Variants in PPM1L observed in about 807,000 individuals in gnomAD.
PPM1L encodes the protein protein phosphatase 1L.
A neutral mutation model predicts 31.4 loss-of-function variants in PPM1L; 13 were observed. The observed-to-expected ratio is 0.41, with a 90% CI of 0.27 to 0.66. The LOEUF (loss-of-function observed/expected upper bound fraction) is 0.66, where lower values mean the gene tolerates loss of function less well. Among genes scored for constraint, PPM1L ranks in the 30% least tolerant of loss-of-function variants. The pLI is 0.29. For missense variants in PPM1L, 326 were observed against 453.7 expected (o/e 0.72, Z 2.56); for synonymous variants, 184 against 175.4 (o/e 1.05, Z -0.39).
At chr3:160,905,508 A>G (rs1274242215) in intron 1 of PPM1L, among the ~76,000 whole-genome samples, 1 of 152,166 alleles carries the variant, frequency 6.6e-6, no homozygotes, top group East Asian at 1.9e-4. Context: ...AGTTAAGCTT[A>G]TATTAGATCA....
chr3:160,927,528 G>A (rs1347519806), intron 1 of PPM1L, among the ~76,000 whole-genome samples: 1 of 151,912 alleles, frequency 6.6e-6, no homozygotes, highest in Non-Finnish European at 1.5e-5. Context: ...TAGACTCATT[G>A]GTAGTGAAAC....
intron 2 of PPM1L, among the ~76,000 whole-genome samples, chr3:161,052,613 G>A (rs186844656): frequency 1.3e-5 from 2 of 152,288 alleles, no homozygotes; most frequent in East Asian, 3.9e-4. Flanking sequence ...CAGGCTGAAT[G>A]GAAGAGGGTC....
chr3:160,843,781 G>A (rs973771234), intron 1 of PPM1L, among the ~76,000 whole-genome samples: 7 of 151,812 alleles, frequency 4.6e-5, no homozygotes, highest in Non-Finnish European at 7.4e-5. Context: ...CCATTACTGG[G>A]TATATACCCA....
intron 1 of PPM1L, among the ~76,000 whole-genome samples, chr3:160,766,561 G>A (rs1429902539): frequency 6.6e-6 from 1 of 152,030 alleles, no homozygotes; most frequent in African/African-American, 2.4e-5. Context: ...CACTATGATT[G>A]TAAGTTTCCT....
At chr3:161,012,412 C>T (rs193214764) in intron 2 of PPM1L, among the ~76,000 whole-genome samples, 22 of 152,154 alleles carry the variant, frequency 1.4e-4, no homozygotes, top group Admixed American at 5.9e-4. Context: ...CCACTGGATT[C>T]GGTTTGCTAG....
At chr3:160,808,412 T>TGC (rs1320794227) in intron 1 of PPM1L, among the ~76,000 whole-genome samples, 44 of 122,422 alleles carry the variant, frequency 3.6e-4, no homozygotes, top group African/African-American at 1.2e-3. Flanking sequence ...TGTGTGTGTG[T>TGC]GTGTGTGTGT....
At chr3:160,888,437 G>A (rs868038887) in intron 1 of PPM1L, among the ~76,000 whole-genome samples, 14 of 152,096 alleles carry the variant, frequency 9.2e-5, no homozygotes, top group African/African-American at 3.1e-4. Context: ...ATAAAGAAGG[G>A]CATTACATAA....
intron 1 of PPM1L, among the ~76,000 whole-genome samples, chr3:160,916,610 A>G (rs868744139): frequency 6.6e-6 from 1 of 152,296 alleles, no homozygotes. Flanking sequence ...CTCTTCTTCC[A>G]GTACACTCTG....
At chr3:160,854,414 G>A (rs1429887461) in intron 1 of PPM1L, among the ~76,000 whole-genome samples, 2 of 152,134 alleles carry the variant, frequency 1.3e-5, no homozygotes, top group Admixed American at 1.3e-4. Flanking sequence ...GCCACAAAGG[G>A]CATGAGTAGG....
intron 1 of PPM1L, among the ~76,000 whole-genome samples, chr3:160,946,569 C>G (rs369444995): frequency 2.0e-5 from 3 of 152,232 alleles, no homozygotes; most frequent in East Asian, 1.9e-4. Context: ...ACTGAGTCCT[C>G]CCTGTGGGAA....
At chr3:160,918,702 T>C (rs998420658) in intron 1 of PPM1L, among the ~76,000 whole-genome samples, 4 of 152,156 alleles carry the variant, frequency 2.6e-5, no homozygotes, top group Non-Finnish European at 5.9e-5. Flanking sequence ...AAGTGATACT[T>C]TAAGAACCAT....
Position 161,076,699 on chromosome 3 carries a change from A to T in PPM1L, c.*7542A>T, listed in dbSNP as rs1720110017. The T allele has an allele frequency of 1.3e-5, 2 of 152,072 alleles. No individual in the cohort carries two copies. Among genetic ancestry groups the T allele is most frequent in the South Asian group, 4.1e-4 (2 of 4,832 alleles). The allele number at this position is 152,072 out of a possible 1,614,324, so 9.4% of individuals were successfully genotyped here. On this transcript the variant is annotated 3_prime_UTR_variant, in exon 4 of 4. Coordinates refer to ENST00000498165, the MANE Select transcript of PPM1L (RefSeq NM_139245.4). ...CATTCTCATGGGCAGCCAGGAAAAA[A>T]AAAAAGAGAGAGAAAGACAAATAGA...
intron 1 of PPM1L, among the ~76,000 whole-genome samples, chr3:160,801,138 C>A (rs1013419142): frequency 6.8e-6 from 1 of 147,058 alleles, no homozygotes; most frequent in Non-Finnish European, 1.5e-5. Flanking sequence ...TACACACACA[C>A]ACACACACAC....
At chr3:160,817,836 A>G (rs1171831957) in intron 1 of PPM1L, among the ~76,000 whole-genome samples, 1 of 151,964 alleles carries the variant, frequency 6.6e-6, no homozygotes. Context: ...CTTTGGGCAT[A>G]TTTAGATTGA....
intron 1 of PPM1L, among the ~76,000 whole-genome samples, chr3:160,953,118 G>C (rs1023604574): frequency 6.6e-6 from 1 of 152,050 alleles, no homozygotes; most frequent in African/African-American, 2.4e-5. Flanking sequence ...TCAACTCTTG[G>C]TTTTTCAGTT....
At chr3:160,997,736 G>A (rs1370247436) in intron 2 of PPM1L, among the ~76,000 whole-genome samples, 1 of 152,154 alleles carries the variant, frequency 6.6e-6, no homozygotes, top group Admixed American at 6.5e-5. Context: ...AAGAGTGGGT[G>A]TGGTGGGGAA....
At chr3:160,807,012 A>G (rs1712623745) in intron 1 of PPM1L, among the ~76,000 whole-genome samples, 1 of 152,152 alleles carries the variant, frequency 6.6e-6, no homozygotes. Flanking sequence ...CCACGTCTAG[A>G]CCAGTTACAT....
intron 2 of PPM1L, among the ~76,000 whole-genome samples, chr3:161,045,387 C>T (rs1175429683): frequency 6.6e-6 from 1 of 152,160 alleles, no homozygotes; most frequent in African/African-American, 2.4e-5. Context: ...CACTCCTCAG[C>T]AAATGTAAAA....
rs1011102577 is a variant in PPM1L at position 161,073,192 on chromosome 3, C to T, written c.*4035C>T. On this transcript the variant is annotated 3_prime_UTR_variant, in exon 4 of 4. Transcript: ENST00000498165. Reference sequence around the variant, plus strand: ...ATCTTAGAAAGTTAGTGAACATGAGCACATCAAAGGCTCTAATTTAAATGT... The same window carrying T: ...ATCTTAGAAAGTTAGTGAACATGAGTACATCAAAGGCTCTAATTTAAATGT... 1.3e-5 allele frequency: 2 copies of T among 152,154 alleles called. No individual in the cohort carries two copies. The highest frequency in any genetic ancestry group is 4.8e-5 in the African/African-American group (2 of 41,424). The allele number at this position is 152,154 out of a possible 1,614,324, so 9.4% of individuals were successfully genotyped here.
Sources: gnomAD v4.1 joint callset for allele counts (sites outside exome capture counted in the v4.1 genomes callset) on GRCh38, gnomAD v4.1.1 for gene constraint, MANE v1.5 for transcripts, NCBI Gene and HGNC (gene_info 2026-07-23, HGNC 2026-07-21) for gene names.